CLIP1: variants seen among roughly 807,000 people sequenced by gnomAD.
CLIP1 encodes the protein CAP-Gly domain-containing linker protein 1.
CLIP1 carries 66 observed loss-of-function variants against 161.6 expected under a neutral mutation model. The observed-to-expected ratio is 0.41, with a 90% confidence interval of 0.33 to 0.50. CLIP1 has a LOEUF of 0.50. CLIP1 is among the 20% of genes least tolerant of loss of function. CLIP1 has a pLI of 0.27. For missense variants in CLIP1, 1,376 were observed against 1,702.0 expected (o/e 0.81, Z 3.37); for synonymous variants, 598 against 626.2 (o/e 0.96, Z 0.67).
Position 122,272,733 on chromosome 12 carries a change from A to T in CLIP1, c.*142T>A. 1 of 697,734 alleles carries T rather than the reference A, an allele frequency of 1.4e-6. No individual in the cohort carries two copies. Among genetic ancestry groups the T allele is most frequent in the South Asian group, 1.8e-5 (1 of 54,116 alleles). The allele number at this position is 697,734 out of a possible 1,614,324, so 43.2% of individuals were successfully genotyped here. On this transcript the variant is annotated 3_prime_UTR_variant, in exon 26 of 26. Coordinates refer to ENST00000620786, the MANE Select transcript of CLIP1 (RefSeq NM_001247997.2). The stretch of plus-strand genomic sequence containing the variant: ...GGGGAGACTAAAGGGCAATTTGTTG[A>T]AGATCAAAATATTTTCCTAGATTTG...
intron 1 of CLIP1, among the ~76,000 whole-genome samples, chr12:122,415,481 CAAA>C (rs546640412): frequency 5.1e-5 from 4 of 78,800 alleles, no homozygotes; most frequent in Admixed American, 1.4e-4. Context: ...GACTCCATCT[CAAA>C]AAAAAAAAAA....
intron 20 of CLIP1, among the ~76,000 whole-genome samples, chr12:122,303,639 G>A (rs1386167607): frequency 1.3e-5 from 2 of 152,034 alleles, no homozygotes; most frequent in Non-Finnish European, 2.9e-5. Flanking sequence ...ATTCCCACAG[G>A]AGAACATCCT....
intron 1 of CLIP1, chr12:122,395,860 G>A (rs754836534): frequency 1.1e-4 from 17 of 152,266 alleles, no homozygotes; most frequent in South Asian, 4.1e-4. Flanking sequence ...GCCTGTAATC[G>A]CAGTACTTTG....
At chr12:122,391,401 C>A (rs185221778) in intron 1 of CLIP1, among the ~76,000 whole-genome samples, 1 of 152,138 alleles carries the variant, frequency 6.6e-6, no homozygotes, top group Non-Finnish European at 1.5e-5. Context: ...GCCTGGCCAA[C>A]ATGGTGACAC....
At chr12:122,285,383 T>C (rs1252569653) in intron 21 of CLIP1, among the ~76,000 whole-genome samples, 1 of 152,136 alleles carries the variant, frequency 6.6e-6, no homozygotes, top group Admixed American at 6.5e-5. Flanking sequence ...CATGCCACCA[T>C]GCCCAGCTAA....
At chr12:122,301,793 G>A (rs1950690403) in intron 20 of CLIP1, among the ~76,000 whole-genome samples, 1 of 152,138 alleles carries the variant, frequency 6.6e-6, no homozygotes, top group South Asian at 2.1e-4. Context: ...CTTCTCTTTT[G>A]CTAAGGCCTT....
chr12:122,400,621 G>A (rs1252409092), intron 1 of CLIP1: 1 of 152,122 alleles, frequency 6.6e-6, no homozygotes, highest in East Asian at 1.9e-4. Context: ...TCCAGCTACT[G>A]GGCAGCTTCG....
rs544685867 is a variant in CLIP1 at position 122,401,770 on chromosome 12, G to T, written c.-107+20751C>A. Among the ~76,000 whole-genome samples the T allele has an allele frequency of 2.0e-5, 3 of 152,168 alleles. No individual in the cohort carries two copies. The East Asian group carries it at 5.8e-4, about 29-fold the overall frequency. The stretch of plus-strand genomic sequence containing the variant: ...TCCCAGCACTTTGGGAGGCCAAGGC[G>T]GGAGGATGACCTGAGGTCAGGAGTT... On this transcript the variant is annotated intron_variant, in intron 1 of 25. Transcript: ENST00000620786.
intron 1 of CLIP1, among the ~76,000 whole-genome samples, chr12:122,413,971 G>C (rs1039506982): frequency 4.6e-5 from 7 of 152,104 alleles, no homozygotes; most frequent in Middle Eastern, 3.4e-3. Flanking sequence ...CCAAATTCAA[G>C]GTTGGCTAAT....
At chr12:122,319,413 G>T in intron 17 of CLIP1, 65 bp from the exon 18 acceptor site, 1 of 1,234,200 alleles carries the variant, frequency 8.1e-7, no homozygotes, top group East Asian at 2.3e-5. Flanking sequence ...GGTGAGGATC[G>T]GGCTGTGCTG....
At chr12:122,397,059 G>A (rs749749291) in intron 1 of CLIP1, among the ~76,000 whole-genome samples, 3 of 150,264 alleles carry the variant, frequency 2.0e-5, no homozygotes, top group African/African-American at 7.4e-5. Context: ...GATTACAGGC[G>A]TAAGCCACCG....
At chr12:122,301,066 A>G (rs1388920981) in intron 20 of CLIP1, among the ~76,000 whole-genome samples, 1 of 152,242 alleles carries the variant, frequency 6.6e-6, no homozygotes, top group Non-Finnish European at 1.5e-5. Context: ...TGTCAATGTC[A>G]TGAAAGACAA....
chr12:122,325,502 G>C (rs1951677164), intron 17 of CLIP1, among the ~76,000 whole-genome samples: 1 of 151,798 alleles, frequency 6.6e-6, no homozygotes, highest in East Asian at 1.9e-4. Context: ...TTATTTTGGA[G>C]GCAGAGTCTC....
At chr12:122,375,976 T>C (rs964651261) in intron 3 of CLIP1, among the ~76,000 whole-genome samples, 4 of 152,082 alleles carry the variant, frequency 2.6e-5, no homozygotes, top group African/African-American at 9.7e-5. Flanking sequence ...TCTTGCTTTG[T>C]TGCCCAGGCT....
At chr12:122,394,887 G>A (rs1955848905) in intron 1 of CLIP1, among the ~76,000 whole-genome samples, 1 of 152,104 alleles carries the variant, frequency 6.6e-6, no homozygotes, top group Admixed American at 6.6e-5. Context: ...CCTTTAAAAA[G>A]TTAATATTAA....
At chr12:122,324,535 T>C (rs1425650835) in intron 17 of CLIP1, among the ~76,000 whole-genome samples, 1 of 152,178 alleles carries the variant, frequency 6.6e-6, no homozygotes, top group Non-Finnish European at 1.5e-5. Flanking sequence ...GGAAAGAAAC[T>C]AAACAGAGCC....
chr12:122,294,192 G>A lies in CLIP1; in HGVS notation c.3595-5651C>T, dbSNP rs1431490770. On this transcript the variant is annotated intron_variant, in intron 20 of 25. Transcript: ENST00000620786. ...AAATACAAAAAAATTAGCCGGGTGT[G>A]GTGGTGGGTGCCTGTAGTCCCAGCT... Among the ~76,000 whole-genome samples the A allele has an allele frequency of 1.1e-4, 17 of 151,348 alleles. No homozygotes were observed. The East Asian group carries it at 2.8e-3, about 25-fold the overall frequency.
chr12:122,329,499 G>A (rs922350449), intron 15 of CLIP1, among the ~76,000 whole-genome samples: 2 of 151,726 alleles, frequency 1.3e-5, no homozygotes, highest in African/African-American at 2.4e-5. Context: ...GCATGGTGGT[G>A]GGCACCTGTA....
chr12:122,336,553 C>CA (rs1566134240), intron 12 of CLIP1, 79 bp downstream of exon 12: 1 of 734,152 alleles, frequency 1.4e-6, no homozygotes, highest in Admixed American at 2.1e-5. Context: ...GAAACAGCTA[C>CA]AATATTTCTT....
Sources: gnomAD v4.1 joint callset for allele counts (sites outside exome capture counted in the v4.1 genomes callset) on GRCh38, gnomAD v4.1.1 for gene constraint, MANE v1.5 for transcripts, NCBI Gene and HGNC (gene_info 2026-07-23, HGNC 2026-07-21) for gene names.